FAM168B: variants seen among roughly 807,000 people sequenced by gnomAD.
FAM168B encodes myelin-associated neurite-outgrowth inhibitor.
Under a neutral mutation model 21.8 loss-of-function variants are expected in FAM168B, and 19 were observed. The observed-to-expected ratio is 0.87, with a 90% CI of 0.61 to 1.28. FAM168B has a LOEUF of 1.28. FAM168B is among the 50% of genes most tolerant of loss of function. The pLI is 0.00. For synonymous variants in FAM168B, 126 were observed against 104.8 expected (o/e 1.20, Z -1.24); for missense variants, 233 against 263.1 (o/e 0.89, Z 0.79).
chr2:131,057,434 T>C (rs937318538), intron 3 of FAM168B, among the ~76,000 whole-genome samples: 6 of 152,210 alleles, frequency 3.9e-5, no homozygotes, highest in African/African-American at 1.4e-4. Context: ...ATCCCGTTTA[T>C]TCCCTAACAA....
rs1691580237 is a variant in FAM168B, at chr2:131,050,308, A to G, written c.*2157T>C. ...GGGCTTTTTAAAAGCATACACTAAC[A>G]TTGTGAGTATTTTATCCTAATCTAT... On this transcript the variant is annotated 3_prime_UTR_variant, in exon 7 of 7. Transcript: ENST00000389915. 2 of 985,322 alleles carry G rather than the reference A, an allele frequency of 2.0e-6. No individual in the cohort carries two copies. The highest frequency in any genetic ancestry group is 1.7e-5 in the African/African-American group (1 of 57,224). The allele number at this position is 985,322 out of a possible 1,614,324, so 61.0% of individuals were successfully genotyped here.
intron 3 of FAM168B, among the ~76,000 whole-genome samples, chr2:131,067,742 T>C (rs1021713470): frequency 6.0e-5 from 9 of 150,688 alleles, no homozygotes; most frequent in African/African-American, 9.8e-5. Context: ...CACACACACA[T>C]ACACACCCAC....
At position 131,050,831 on chromosome 2, in the gene FAM168B, GCCCACAGCACTCAAA is replaced by G; in HGVS notation, c.*1619_*1633del. 2 of 985,308 alleles carry G rather than the reference GCCCACAGCACTCAAA, an allele frequency of 2.0e-6. No homozygotes were observed. Among genetic ancestry groups the G allele is most frequent in the Non-Finnish European group, 2.4e-6 (2 of 829,968 alleles). 61.0% of individuals were successfully genotyped at this position (985,308 alleles called of 1,614,324 possible). A position where few individuals can be genotyped will look rare whatever the true frequency, so the allele number is the denominator to read the frequency against. ...GGAGCAGAGCCCCCTCCCCACCAGA[GCCCACAGCACTCAAA>G]CCACCACTGCACTGGGAAGAAGACG... On this transcript the variant is annotated 3_prime_UTR_variant, in exon 7 of 7. Coordinates refer to ENST00000389915, the MANE Select transcript of FAM168B (RefSeq NM_001009993.4).
At position 131,049,566 on chromosome 2, in the gene FAM168B, A is replaced by T. The variant is rs1691521939; in HGVS notation, c.*2899T>A. ...AATGCTCAGCCGCCAGCACAGATCCAAACAAGACCTCCATGAGCAGAGAAA... is the reference window on the plus strand; with the variant it reads ...AATGCTCAGCCGCCAGCACAGATCCTAACAAGACCTCCATGAGCAGAGAAA... On this transcript the variant is annotated 3_prime_UTR_variant, in exon 7 of 7. Coordinates refer to ENST00000389915, the MANE Select transcript of FAM168B (RefSeq NM_001009993.4). 1 of 985,342 alleles carries T rather than the reference A, an allele frequency of 1.0e-6. No individual in the cohort carries two copies. The highest frequency in any genetic ancestry group is 1.7e-5 in the African/African-American group (1 of 57,226). 61.0% of individuals were successfully genotyped at this position (985,342 alleles called of 1,614,324 possible).
intron 2 of FAM168B, among the ~76,000 whole-genome samples, chr2:131,076,232 C>T (rs1442137392): frequency 6.6e-6 from 1 of 152,110 alleles, no homozygotes; most frequent in Non-Finnish European, 1.5e-5. Context: ...TTTCTGGGTA[C>T]CCCAACCCCC....
chr2:131,078,787 C>T (rs544563423), intron 2 of FAM168B, among the ~76,000 whole-genome samples: 3 of 151,162 alleles, frequency 2.0e-5, no homozygotes, highest in Non-Finnish European at 4.4e-5. Context: ...TTGAGATCAG[C>T]CTGGGCAACA....
At chr2:131,090,420 C>G (rs1266789927) in intron 1 of FAM168B, among the ~76,000 whole-genome samples, 1 of 151,842 alleles carries the variant, frequency 6.6e-6, no homozygotes, top group African/African-American at 2.4e-5. Flanking sequence ...ACACAGAGCA[C>G]TAAGTATGAA....
rs1480005812 is a variant in FAM168B, at chr2:131,065,649, C to T, written c.154+6206G>A. ...TACTAACAATACAAAAATTAGCCGG[C>T]GTGGTGGAGAGCGCCTGTAATTCCA... On this transcript the variant is annotated intron_variant, in intron 3 of 6. Coordinates refer to ENST00000389915, the MANE Select transcript of FAM168B (RefSeq NM_001009993.4). Among the ~76,000 whole-genome samples, 5 of 151,702 alleles carry T rather than the reference C, an allele frequency of 3.3e-5. No homozygotes were observed. In the East Asian group the frequency reaches 7.7e-4, roughly 23 times the overall value.
At chr2:131,055,781 G>A (rs1275736327) in intron 3 of FAM168B, 86 bp from the exon 4 acceptor site, 35 of 1,508,638 alleles carry the variant, frequency 2.3e-5, no homozygotes, top group South Asian at 1.4e-4. Flanking sequence ...GCTAAGCTGC[G>A]TGTCAGCCCC....
chr2:131,088,201 G>A (rs935041336), intron 1 of FAM168B, among the ~76,000 whole-genome samples: 5 of 152,040 alleles, frequency 3.3e-5, no homozygotes, highest in East Asian at 1.9e-4. Flanking sequence ...AGCTGAAATC[G>A]CACCACTGCA....
rs117483978 is a variant in FAM168B at position 131,068,816 on chromosome 2, G to A, written c.154+3039C>T. Among the ~76,000 whole-genome samples, 7 of 152,238 alleles carry A rather than the reference G, an allele frequency of 4.6e-5. No homozygotes were observed. The East Asian group carries it at 9.6e-4, about 21-fold the overall frequency. ...GGATCACTTAAGCCCAGGAGTTTGC[G>A]ACCAGCCTAGACAACATAGTGAAAC... On this transcript the variant is annotated intron_variant, in intron 3 of 6. Coordinates refer to ENST00000389915, the MANE Select transcript of FAM168B (RefSeq NM_001009993.4).
In FAM168B at chr2:131,054,049, A is replaced by G. The variant is rs531193435; in HGVS notation, c.476-1034T>C. 2.6e-5 allele frequency among the ~76,000 whole-genome samples: 4 copies of G among 152,114 alleles called. No homozygotes were observed. In the South Asian group the frequency reaches 8.3e-4, roughly 32 times the overall value. On this transcript the variant is annotated intron_variant, in intron 5 of 6. Transcript: ENST00000389915. ...TGAAATCCCATCTCTACCAAAAGGT[A>G]CAAAAAAATATTAGGCAGGCATGGT...
intron 3 of FAM168B, among the ~76,000 whole-genome samples, chr2:131,059,235 AACC>A (rs1692176500): frequency 6.6e-6 from 1 of 152,226 alleles, no homozygotes; most frequent in Admixed American, 6.5e-5. Flanking sequence ...CAGGAAAACA[AACC>A]ACCAACATAG....
In FAM168B at chr2:131,053,520, C is replaced by T. The variant is rs981436504; in HGVS notation, c.476-505G>A. 2.6e-5 allele frequency among the ~76,000 whole-genome samples: 4 copies of T among 152,230 alleles called. No individual in the cohort carries two copies. The East Asian group carries it at 5.8e-4, about 22-fold the overall frequency. On this transcript the variant is annotated intron_variant, in intron 5 of 6. Transcript: ENST00000389915. ...GGAGTTCAGATTTGCAGGATAAAGA[C>T]GTTCTGGAGCTCTGTTTCACAACAA...
chr2:131,048,515 C>T lies in FAM168B; in HGVS notation c.*3950G>A. 9.0e-7 allele frequency: 1 copy of T among 1,108,324 alleles called. No homozygotes were observed. Among genetic ancestry groups the T allele is most frequent in the Non-Finnish European group, 1.1e-6 (1 of 890,480 alleles). 68.7% of individuals were successfully genotyped at this position (1,108,324 alleles called of 1,614,324 possible). On this transcript the variant is annotated 3_prime_UTR_variant, in exon 7 of 7. Transcript: ENST00000389915. ...AGGCTATCCCCACAGGCTCTCTCTT[C>T]TTCAAATAATGAGTAGGAAAAAGAG...
rs1691692450 is a variant in FAM168B at position 131,051,797 on chromosome 2, A to G, written c.*668T>C. The stretch of plus-strand genomic sequence containing the variant: ...CTGTTCCACTGACTCCACCAAGCCT[A>G]AACTCAAAGGGATGTCCATGAACCA... On this transcript the variant is annotated 3_prime_UTR_variant, in exon 7 of 7. Transcript: ENST00000389915. The G allele has an allele frequency of 1.0e-6, 1 of 985,322 alleles. No homozygotes were observed. Among genetic ancestry groups the G allele is most frequent in the African/African-American group, 1.7e-5 (1 of 57,226 alleles). The allele number at this position is 985,322 out of a possible 1,614,324, so 61.0% of individuals were successfully genotyped here. A position where few individuals can be genotyped will look rare whatever the true frequency, so the allele number is the denominator to read the frequency against.
chr2:131,057,324 T>A (rs1319381784), intron 3 of FAM168B, among the ~76,000 whole-genome samples: 2 of 152,218 alleles, frequency 1.3e-5, no homozygotes, highest in Admixed American at 6.5e-5. Flanking sequence ...TATGTCTCTA[T>A]AAACATTACT....
intron 3 of FAM168B, among the ~76,000 whole-genome samples, chr2:131,064,303 CATTT>C (rs1692448920): frequency 1.3e-5 from 2 of 151,710 alleles, no homozygotes; most frequent in East Asian, 3.9e-4. Context: ...TAAAAAAAGA[CATTT>C]ATTTAGAAAA....
At position 131,050,981 on chromosome 2, in the gene FAM168B, A is replaced by G. The variant is rs1338968351; in HGVS notation, c.*1484T>C. On this transcript the variant is annotated 3_prime_UTR_variant, in exon 7 of 7. Transcript: ENST00000389915. The stretch of plus-strand genomic sequence containing the variant: ...GCACTCTCATGGATACAGGACGGGC[A>G]TATTTTGGGGGCGGGGTGGAGGGAA... 1 of 985,148 alleles carries G rather than the reference A, an allele frequency of 1.0e-6. No homozygotes were observed. The highest frequency in any genetic ancestry group is 1.8e-5 in the African/African-American group (1 of 57,060). 61.0% of individuals were successfully genotyped at this position (985,148 alleles called of 1,614,324 possible).
Sources: gnomAD v4.1 joint callset for allele counts (sites outside exome capture counted in the v4.1 genomes callset) on GRCh38, gnomAD v4.1.1 for gene constraint, MANE v1.5 for transcripts, NCBI Gene and HGNC (gene_info 2026-07-23, HGNC 2026-07-21) for gene names.